GLS: variants seen among roughly 807,000 people sequenced by gnomAD.
The protein encoded by GLS is glutaminase.
Under a neutral mutation model 86.7 loss-of-function variants are expected in GLS, and 36 were observed. That is an observed-to-expected ratio of 0.42 (90% CI 0.32 to 0.55). GLS has a LOEUF of 0.55. Among genes scored for constraint, GLS ranks in the 20% least tolerant of loss-of-function variants. GLS has a pLI of 0.17. For synonymous variants in GLS, 317 were observed against 305.9 expected (o/e 1.04, Z -0.38); for missense variants, 528 against 833.4 (o/e 0.63, Z 4.51).
At chr2:190,932,070 G>T (rs1690122845) in intron 14 of GLS, among the ~76,000 whole-genome samples, 1 of 150,906 alleles carries the variant, frequency 6.6e-6, no homozygotes, top group South Asian at 2.1e-4. Context: ...TGTGTAGATG[G>T]ATATGTAAAT....
rs116002712 is a variant in GLS at position 190,909,907 on chromosome 2, A to G, written c.980-356A>G. Among the ~76,000 whole-genome samples the G allele has an allele frequency of 5.3e-3, 809 of 152,160 alleles. 6 individuals carry two copies. Among genetic ancestry groups the G allele is most frequent in the Non-Finnish European group, 8.0e-3 (545 of 67,992 alleles). On this transcript the variant is annotated intron_variant, in intron 6 of 17. Coordinates refer to ENST00000320717, the MANE Select transcript of GLS (RefSeq NM_014905.5). ...AAATAAAACATTAGCCAGGTGTGGTATGTGCCTGTGGTCCCAGCTTCTTTG... is the reference window on the plus strand; with the variant it reads ...AAATAAAACATTAGCCAGGTGTGGTGTGTGCCTGTGGTCCCAGCTTCTTTG...
chr2:190,957,487 A>G (rs1019793831), intron 17 of GLS, among the ~76,000 whole-genome samples: 13 of 152,168 alleles, frequency 8.5e-5, no homozygotes, highest in Admixed American at 3.9e-4. Context: ...TCTTGTGCCA[A>G]TTTTCAAAGG....
chr2:190,944,120 C>G (rs1003210663), intron 14 of GLS, among the ~76,000 whole-genome samples: 15 of 151,844 alleles, frequency 9.9e-5, no homozygotes, highest in African/African-American at 3.4e-4. Flanking sequence ...TTTTCAGGGA[C>G]CTTGTTTGTA....
intron 9 of GLS, among the ~76,000 whole-genome samples, chr2:190,923,021 G>T (rs1489000240): frequency 6.6e-6 from 1 of 152,046 alleles, no homozygotes; most frequent in Non-Finnish European, 1.5e-5. Context: ...TTCTCATCAG[G>T]TTGGAAGATT....
intron 12 of GLS, 177 bp downstream of exon 12, chr2:190,927,659 G>C (rs553041911): frequency 1.0e-4 from 51 of 507,954 alleles, no homozygotes; most frequent in Non-Finnish European, 1.7e-4. Flanking sequence ...TCTACCAGAT[G>C]TTCTTAAGAA....
chr2:190,931,713 A>C (rs1000414879), intron 14 of GLS, 76 bp downstream of exon 14: 3 of 682,000 alleles, frequency 4.4e-6, no homozygotes, highest in African/African-American at 1.8e-5. Context: ...TGTATAAATA[A>C]AATCTTAGTT....
rs1690235955 is a variant in GLS, at chr2:190,935,200, G to A, written c.1650+3563G>A. ...TGGATGAAAACATTTGTGTTGTTTA[G>A]CTTTCATTTGCTTTGTATATTTAAT... On this transcript the variant is annotated intron_variant, in intron 14 of 17. Transcript: ENST00000320717. This position sits in a 1 kb window ranked among gnomAD's most constrained non-coding sequence, Gnocchi z 4.2. 2.3e-6 allele frequency: 2 copies of A among 863,846 alleles called. No homozygotes were observed. The highest frequency in any genetic ancestry group is 1.1e-4 in the South Asian group (2 of 18,776). The allele number at this position is 863,846 out of a possible 1,614,324, so 53.5% of individuals were successfully genotyped here.
rs1690489902 is a variant in GLS at position 190,943,115 on chromosome 2, A to G, written c.1651-10450A>G. Among the ~76,000 whole-genome samples, 7 of 152,226 alleles carry G rather than the reference A, an allele frequency of 4.6e-5. No individual in the cohort carries two copies. The highest frequency in any genetic ancestry group is 4.6e-4 in the Admixed American group (7 of 15,282). ...ATTGGACACAATACTACCTTTAACA[A>G]ATAGAGGTTCTGTTAGTATGGAAGG... On this transcript the variant is annotated intron_variant, in intron 14 of 17. Transcript: ENST00000320717. The surrounding 1 kb of genome is among the most constrained non-coding windows in gnomAD (Gnocchi z 4.5).
chr2:190,935,931 T>C lies in GLS; in HGVS notation c.1650+4294T>C, dbSNP rs1690257853. ...GGCTCCATGTATTGTAGGTCAAATATAGTACTTTACATTTTTATGTTTAAT... is the reference window on the plus strand; with the variant it reads ...GGCTCCATGTATTGTAGGTCAAATACAGTACTTTACATTTTTATGTTTAAT... On this transcript the variant is annotated intron_variant, in intron 14 of 17. Coordinates refer to ENST00000320717, the MANE Select transcript of GLS (RefSeq NM_014905.5). The surrounding 1 kb of genome is among the most constrained non-coding windows in gnomAD (Gnocchi z 4.2). Among the ~76,000 whole-genome samples the C allele has an allele frequency of 6.6e-6, 1 of 151,202 alleles. No individual in the cohort carries two copies. The highest frequency in any genetic ancestry group is 6.6e-5 in the Admixed American group (1 of 15,184).
intron 14 of GLS, among the ~76,000 whole-genome samples, chr2:190,952,195 C>G (rs73062698): frequency 8.5e-5 from 13 of 152,138 alleles, no homozygotes; most frequent in African/African-American, 3.1e-4. Flanking sequence ...ACCCCCATTC[C>G]CCATTAAGAA....
chr2:190,959,052 C>CT (rs1690932360), intron 17 of GLS, among the ~76,000 whole-genome samples: 1 of 152,062 alleles, frequency 6.6e-6, no homozygotes, highest in African/African-American at 2.4e-5. Context: ...GTGTGGGAGT[C>CT]TGAGTCTCTT....
At chr2:190,936,628 A>G (rs1379152755) in intron 14 of GLS, among the ~76,000 whole-genome samples, 2 of 151,256 alleles carry the variant, frequency 1.3e-5, no homozygotes, top group East Asian at 3.9e-4. Context: ...TGCCAGGGTA[A>G]GAGAGTAACT....
Position 190,913,398 on chromosome 2 carries a change from T to A in GLS, c.1038+3077T>A, listed in dbSNP as rs1457873131. On this transcript the variant is annotated intron_variant, in intron 7 of 17. Transcript: ENST00000320717. The surrounding 1 kb of genome is among the most constrained non-coding windows in gnomAD (Gnocchi z 6.1). ...CTTTTTAAAAACAAATGTAATTTTA[T>A]ACTTAAAATGCACATAATTTTTAAA... The A allele has an allele frequency of 5.2e-6, 5 of 957,328 alleles. No homozygotes were observed. The East Asian group carries it at 2.2e-4, about 42-fold the overall frequency. 59.3% of individuals were successfully genotyped at this position (957,328 alleles called of 1,614,324 possible). A position where few individuals can be genotyped will look rare whatever the true frequency, so the allele number is the denominator to read the frequency against.
intron 14 of GLS, among the ~76,000 whole-genome samples, chr2:190,948,078 G>GA (rs1690624625): frequency 6.6e-6 from 1 of 152,188 alleles, no homozygotes; most frequent in Non-Finnish European, 1.5e-5. Context: ...GAAAGAAGAG[G>GA]AATTTGTGGT....
rs530806190 is a variant in GLS at position 190,936,558 on chromosome 2, T to G, written c.1650+4921T>G. ...TTGGTAAAGTATAACATACTTTACTTCTTCAATTTGACTTTAAAGATTTGT... is the reference window on the plus strand; with the variant it reads ...TTGGTAAAGTATAACATACTTTACTGCTTCAATTTGACTTTAAAGATTTGT... On this transcript the variant is annotated intron_variant, in intron 14 of 17. Transcript: ENST00000320717. Among the ~76,000 whole-genome samples the G allele has an allele frequency of 2.8e-3, 416 of 151,148 alleles. 2 individuals are homozygous for G. The highest frequency in any genetic ancestry group is 9.6e-3 in the African/African-American group (398 of 41,468).
At chr2:190,934,744 T>TA in intron 14 of GLS, 1 of 972,578 alleles carries the variant, frequency 1.0e-6, no homozygotes, top group African/African-American at 1.8e-5. Context: ...TTGTGTCACT[T>TA]ACTATTTTTG....
At chr2:190,942,270 C>T (rs1337056598) in intron 14 of GLS, among the ~76,000 whole-genome samples, 2 of 151,102 alleles carry the variant, frequency 1.3e-5, no homozygotes, top group African/African-American at 2.4e-5. Context: ...TTAGTAGAGA[C>T]GGGGTTTCAC....
intron 1 of GLS, among the ~76,000 whole-genome samples, chr2:190,884,978 A>G (rs995691076): frequency 1.3e-5 from 2 of 152,218 alleles, no homozygotes; most frequent in Non-Finnish European, 2.9e-5. Context: ...GGATGTTTGC[A>G]TATCTACATG....
intron 14 of GLS, among the ~76,000 whole-genome samples, chr2:190,942,293 G>T (rs755874807): frequency 3.5e-4 from 53 of 151,760 alleles, no homozygotes; most frequent in Non-Finnish European, 5.4e-4. Context: ...TGTTAGCCAA[G>T]ATGGTCTCGA....
Sources: gnomAD v4.1 joint callset for allele counts (sites outside exome capture counted in the v4.1 genomes callset) on GRCh38, gnomAD v4.1.1 for gene constraint, Gnocchi (gnomAD v3.1) non-coding constraint, MANE v1.5 for transcripts, NCBI Gene and HGNC (gene_info 2026-07-23, HGNC 2026-07-21) for gene names.